OSBPL9: variants seen among roughly 807,000 people sequenced by gnomAD.
OSBPL9 encodes the protein oxysterol binding protein like 9.
In OSBPL9, 40 loss-of-function variants were observed where a neutral mutation model predicts 106.6. That is an observed-to-expected ratio of 0.38 (90% CI 0.29 to 0.49). The LOEUF (loss-of-function observed/expected upper bound fraction) is 0.49, where lower values mean the gene tolerates loss of function less well. OSBPL9 is among the 20% of genes least tolerant of loss of function. The probability of loss-of-function intolerance (pLI) is 0.97; values close to 1 mark genes in which losing one functional copy is unlikely to be tolerated. For missense variants in OSBPL9, 609 were observed against 887.2 expected (o/e 0.69, Z 3.98); for synonymous variants, 269 against 295.4 (o/e 0.91, Z 0.92).
intron 1 of OSBPL9, among the ~76,000 whole-genome samples, chr1:51,624,968 G>A (rs1439448004): frequency 6.6e-6 from 1 of 152,182 alleles, no homozygotes; most frequent in Non-Finnish European, 1.5e-5. Flanking sequence ...CTTCTAATTC[G>A]AATTATAGGT....
intron 12 of OSBPL9, among the ~76,000 whole-genome samples, chr1:51,767,696 G>C (rs528695182): frequency 2.0e-4 from 31 of 152,280 alleles, no homozygotes; most frequent in African/African-American, 7.5e-4. Context: ...GGCCAGTGTA[G>C]CAGAAAGGGC....
the OSBPL9 span, among the ~76,000 whole-genome samples, chr1:51,542,717 T>G: frequency 6.6e-6 from 1 of 152,232 alleles, no homozygotes; most frequent in African/African-American, 2.4e-5. Context: ...ATGAGGACAC[T>G]GAAACTTAAG....
At chr1:51,698,883 C>A (rs543266297) in intron 3 of OSBPL9, among the ~76,000 whole-genome samples, 8 of 152,022 alleles carry the variant, frequency 5.3e-5, no homozygotes, top group Non-Finnish European at 8.8e-5. Context: ...CTCATATGAA[C>A]AATTTGTTGT....
At chr1:51,762,846 A>T (rs1018464303) in intron 11 of OSBPL9, among the ~76,000 whole-genome samples, 5 of 152,068 alleles carry the variant, frequency 3.3e-5, no homozygotes, top group Admixed American at 1.3e-4. Flanking sequence ...TGTTTTTTCC[A>T]CTGATGGAAG....
intron 1 of OSBPL9, among the ~76,000 whole-genome samples, chr1:51,581,234 T>A (rs1390643737): frequency 1.3e-5 from 2 of 151,872 alleles, no homozygotes; most frequent in African/African-American, 2.4e-5. Context: ...AGAATGTCTT[T>A]CTACTGGAAT....
chr1:51,742,057 C>T (rs957395473), intron 4 of OSBPL9, among the ~76,000 whole-genome samples: 5 of 151,970 alleles, frequency 3.3e-5, no homozygotes, highest in African/African-American at 4.8e-5. Flanking sequence ...GAGAGGAGGT[C>T]GGGGGAAGAC....
At chr1:51,637,668 A>C (rs1645533862) in intron 1 of OSBPL9, among the ~76,000 whole-genome samples, 1 of 152,216 alleles carries the variant, frequency 6.6e-6, no homozygotes, top group Non-Finnish European at 1.5e-5. Flanking sequence ...AAATGTACAC[A>C]GTGGTCACCA....
intron 4 of OSBPL9, among the ~76,000 whole-genome samples, chr1:51,720,792 A>ATTTT (rs34137715): frequency 2.9e-4 from 29 of 101,118 alleles, no homozygotes; most frequent in African/African-American, 4.4e-4. Flanking sequence ...TCAAATTGGA[A>ATTTT]TTTTTTTTTT....
At position 51,761,889 on chromosome 1, in the gene OSBPL9, A is replaced by G; in HGVS notation, c.696A>G (p.Ser232=). ...TAGAACCTGTTCAGTTGTGTAAGTC[A>G]GAGCAGCGTCCATCTTCCCTACCAG... The part of the protein sequence containing the change: ...LPPEPVQLCK[S]EQRPSSLPVG... The change falls in exon 11 of 24, where the codon TCA becomes TCG. Residue 232 remains serine (S), a synonymous_variant. Coordinates refer to ENST00000428468, the MANE Select transcript of OSBPL9 (RefSeq NM_024586.6). 4 of 1,613,662 alleles carry G rather than the reference A, an allele frequency of 2.5e-6. No homozygotes were observed. The highest frequency in any genetic ancestry group is 3.4e-6 in the Non-Finnish European group (4 of 1,179,592).
At chr1:51,567,396 A>G in the OSBPL9 span, 1 of 152,206 alleles carries the variant, frequency 6.6e-6, no homozygotes, top group Non-Finnish European at 1.5e-5. Context: ...TCCACCTACT[A>G]TCCTCTAGCC....
At chr1:51,699,145 T>G (rs1453315460) in intron 3 of OSBPL9, among the ~76,000 whole-genome samples, 1 of 152,168 alleles carries the variant, frequency 6.6e-6, no homozygotes, top group African/African-American at 2.4e-5. Context: ...AAATACATAT[T>G]CAGACAATGC....
intron 1 of OSBPL9, among the ~76,000 whole-genome samples, chr1:51,584,599 C>T (rs1196940458): frequency 6.6e-6 from 1 of 152,016 alleles, no homozygotes. Flanking sequence ...GCCTGTAATC[C>T]CAGCTACTCA....
chr1:51,740,605 A>G (rs889221995), intron 4 of OSBPL9, among the ~76,000 whole-genome samples: 6 of 152,190 alleles, frequency 3.9e-5, no homozygotes, highest in Admixed American at 2.0e-4. Context: ...TCTTTTTACA[A>G]CATATTTTTA....
At chr1:51,607,018 C>G (rs1371508670) in intron 2 of OSBPL9, among the ~76,000 whole-genome samples, 1 of 151,580 alleles carries the variant, frequency 6.6e-6, no homozygotes, top group African/African-American at 2.4e-5. Context: ...CCACTGCACT[C>G]CAGCCTGGGC....
intron 1 of OSBPL9, among the ~76,000 whole-genome samples, chr1:51,644,890 A>G (rs1024368904): frequency 6.6e-6 from 1 of 152,188 alleles, no homozygotes; most frequent in African/African-American, 2.4e-5. Context: ...TTTCCCAACA[A>G]TAACTTTCTG....
Position 51,784,287 on chromosome 1 carries a change from G to A in OSBPL9, c.1648G>A (p.Asp550Asn). The stretch of plus-strand genomic sequence containing the variant: ...AGGCTGTGTCTCATGTCTAGACTAT[G>A]ATGAACATTACATTCTCACATTCCC... ...GQGCVSCLDY[D>N]EHYILTFPNG... The change falls in exon 19 of 24, where the codon GAT becomes AAT. Residue 550 changes from aspartate to asparagine, a missense_variant. Physicochemically the swap from Asp to Asn is conservative, Grantham distance 23. Coordinates refer to ENST00000428468, the MANE Select transcript of OSBPL9 (RefSeq NM_024586.6). 1 of 1,614,032 alleles carries A rather than the reference G, an allele frequency of 6.2e-7. No individual in the cohort carries two copies.
At chr1:51,772,380 T>C (rs944749729) in intron 13 of OSBPL9, among the ~76,000 whole-genome samples, 198 bp downstream of exon 13, 2 of 152,138 alleles carry the variant, frequency 1.3e-5, no homozygotes. Flanking sequence ...CTGGGCATGG[T>C]GGTGCGTGCC....
At chr1:51,533,676 T>C in the OSBPL9 span, among the ~76,000 whole-genome samples, 1 of 151,954 alleles carries the variant, frequency 6.6e-6, no homozygotes, top group Non-Finnish European at 1.5e-5. Context: ...TGAATAAATG[T>C]TCACAGTTAC....
chr1:51,765,979 AGAGT>A lies in OSBPL9; in HGVS notation c.938+3_938+6del, dbSNP rs759542881. ...GTGGCTCATCCCCAAAGCGCTTAAT[AGAGT>A]GAGTAGATGAACAGAATATGTATTT... On this transcript the variant is annotated splice_donor_variant and coding_sequence_variant, in exon 12 of 24. Transcript: ENST00000428468. LOFTEE classifies it high-confidence loss of function. 22 of 1,606,096 alleles carry A rather than the reference AGAGT, an allele frequency of 1.4e-5. No homozygotes were observed. Among genetic ancestry groups the A allele is most frequent in the South Asian group, 1.1e-5 (1 of 89,846 alleles).
Sources: allele counts gnomAD v4.1 joint callset (sites outside exome capture counted in the v4.1 genomes callset), GRCh38; gene constraint gnomAD v4.1.1; transcripts MANE v1.5; gene names NCBI Gene and HGNC (gene_info 2026-07-23, HGNC 2026-07-21).